Variants in NLGN1 observed in about 807,000 individuals in gnomAD.
NLGN1 encodes neuroligin-1.
A neutral mutation model predicts 65.5 loss-of-function variants in NLGN1; 12 were observed. The observed-to-expected ratio is 0.18, with a 90% CI of 0.12 to 0.30. The LOEUF (loss-of-function observed/expected upper bound fraction) is 0.30. Ranked by LOEUF, NLGN1 falls within the 10% of genes least tolerant of loss-of-function variation. The probability of loss-of-function intolerance (pLI) is 1.00; values close to 1 mark genes in which losing one functional copy is unlikely to be tolerated. For missense variants in NLGN1, 750 were observed against 1,007.1 expected (o/e 0.74, Z 3.46); for synonymous variants, 350 against 359.5 (o/e 0.97, Z 0.30).
chr3:174,021,657 G>A (rs764829495), intron 4 of NLGN1, among the ~76,000 whole-genome samples: 2 of 152,144 alleles, frequency 1.3e-5, no homozygotes, highest in Admixed American at 6.6e-5. Context: ...TGCCAGTCAC[G>A]TGGTTCTAGC....
In NLGN1 at chr3:173,597,980, A is replaced by G. The variant is rs562237980; in HGVS notation, c.-320-6299A>G. On this transcript the variant is annotated intron_variant, in intron 2 of 6. Coordinates refer to ENST00000457714, the Ensembl canonical transcript of NLGN1. ...TCTGATTAGATGGCCATTATTTTTA[A>G]TCTTGTGATATAGCTGAAGAAGAGC... Among the ~76,000 whole-genome samples the G allele has an allele frequency of 9.5e-4, 145 of 152,188 alleles. 2 individuals carry two copies. The highest frequency in any genetic ancestry group is 3.3e-3 in the African/African-American group (137 of 41,562).
At chr3:173,784,945 C>T (rs541110592) in intron 3 of NLGN1, among the ~76,000 whole-genome samples, 65 of 152,272 alleles carry the variant, frequency 4.3e-4, no homozygotes, top group African/African-American at 1.5e-3. Context: ...TGAATCTCCA[C>T]ATGGGAAGAA....
chr3:173,765,418 A>G (rs1778629310), intron 3 of NLGN1, among the ~76,000 whole-genome samples: 1 of 152,144 alleles, frequency 6.6e-6, no homozygotes, highest in Admixed American at 6.6e-5. Context: ...TGGTAAAAGG[A>G]TATGCAAAAT....
intron 4 of NLGN1, among the ~76,000 whole-genome samples, chr3:174,239,609 T>C (rs1183659136): frequency 6.6e-6 from 1 of 152,208 alleles, no homozygotes; most frequent in Non-Finnish European, 1.5e-5. Flanking sequence ...TGTATTAATT[T>C]TTTAAATCCT....
At chr3:174,166,506 G>A (rs1325270494) in intron 4 of NLGN1, among the ~76,000 whole-genome samples, 1 of 152,008 alleles carries the variant, frequency 6.6e-6, no homozygotes, top group African/African-American at 2.4e-5. Flanking sequence ...GATCTTCCGA[G>A]TATTGATTTC....
chr3:173,855,925 G>T (rs553645093), intron 4 of NLGN1, among the ~76,000 whole-genome samples: 69 of 152,154 alleles, frequency 4.5e-4, no homozygotes, highest in Middle Eastern at 3.4e-3. Context: ...CTTGGTTTCA[G>T]GTTTACCCAT....
chr3:173,868,165 A>G (rs926536252), intron 4 of NLGN1, among the ~76,000 whole-genome samples: 2 of 152,264 alleles, frequency 1.3e-5, no homozygotes, highest in East Asian at 3.9e-4. Context: ...TCCAGCATTT[A>G]CAGAATCCTA....
At chr3:174,197,871 G>A (rs1178809616) in intron 4 of NLGN1, among the ~76,000 whole-genome samples, 1 of 151,150 alleles carries the variant, frequency 6.6e-6, no homozygotes, top group Non-Finnish European at 1.5e-5. Flanking sequence ...ATTTACTGTA[G>A]AACACTTGGA....
chr3:174,214,235 G>A (rs1737198107), intron 4 of NLGN1, among the ~76,000 whole-genome samples: 1 of 152,036 alleles, frequency 6.6e-6, no homozygotes, highest in South Asian at 2.1e-4. Flanking sequence ...TATGTTCTCA[G>A]AATTTAAATT....
chr3:173,911,583 G>A (rs2152224837), intron 4 of NLGN1, among the ~76,000 whole-genome samples: 1 of 152,336 alleles, frequency 6.6e-6, no homozygotes, highest in South Asian at 2.1e-4. Flanking sequence ...CAAACCAAAT[G>A]CTTAGTGGAG....
chr3:173,860,793 G>T (rs910436495), intron 4 of NLGN1, among the ~76,000 whole-genome samples: 6 of 152,236 alleles, frequency 3.9e-5, no homozygotes, highest in Admixed American at 3.9e-4. Context: ...ACCTTCCACA[G>T]TGTCTGCCTC....
At chr3:174,240,320 T>TTAAGA (rs1742553358) in intron 4 of NLGN1, among the ~76,000 whole-genome samples, 1 of 151,890 alleles carries the variant, frequency 6.6e-6, no homozygotes, top group South Asian at 2.1e-4. Context: ...TAGATCTAAC[T>TTAAGA]TTAGAATTTT....
At chr3:173,619,941 G>A (rs73880525) in intron 3 of NLGN1, among the ~76,000 whole-genome samples, 2,855 of 152,254 alleles carry the variant, frequency 0.019, 96 homozygotes, top group African/African-American at 0.065. Flanking sequence ...GATGTGCAGG[G>A]ATGAGTGGGA....
At chr3:173,477,136 T>C (rs953407504) in intron 2 of NLGN1, among the ~76,000 whole-genome samples, 1 of 152,148 alleles carries the variant, frequency 6.6e-6, no homozygotes, top group African/African-American at 2.4e-5. Context: ...AGAAATGGGA[T>C]GTCATTTCTA....
intron 4 of NLGN1, among the ~76,000 whole-genome samples, chr3:174,209,665 T>C (rs186863196): frequency 7.6e-6 from 1 of 131,516 alleles, no homozygotes; most frequent in East Asian, 2.5e-4. Flanking sequence ...AGAGTCTTAC[T>C]CTTGTCACCC....
chr3:173,843,261 C>G (rs900760772), intron 4 of NLGN1, among the ~76,000 whole-genome samples: 1 of 152,220 alleles, frequency 6.6e-6, no homozygotes, highest in African/African-American at 2.4e-5. Context: ...AGGCCTACGG[C>G]CCTGTGATGG....
At chr3:174,003,241 G>T (rs1286932198) in intron 4 of NLGN1, among the ~76,000 whole-genome samples, 1 of 151,994 alleles carries the variant, frequency 6.6e-6, no homozygotes, top group Non-Finnish European at 1.5e-5. Flanking sequence ...TATTGCAAAG[G>T]TTATTTTCTT....
intron 3 of NLGN1, among the ~76,000 whole-genome samples, chr3:173,772,899 C>T (rs950605250): frequency 6.6e-6 from 1 of 152,144 alleles, no homozygotes; most frequent in Non-Finnish European, 1.5e-5. Context: ...ATAATTCCAC[C>T]TCGCTTTTGC....
intron 4 of NLGN1, among the ~76,000 whole-genome samples, chr3:173,955,120 C>A (rs1378272385): frequency 2.6e-5 from 4 of 152,034 alleles, no homozygotes; most frequent in Non-Finnish European, 5.9e-5. Flanking sequence ...TATTCATGAA[C>A]ACAGAAATTT....
Sources: gnomAD v4.1 joint callset for allele counts (sites outside exome capture counted in the v4.1 genomes callset) on GRCh38, gnomAD v4.1.1 for gene constraint, MANE v1.5 for transcripts, NCBI Gene and HGNC (gene_info 2026-07-23, HGNC 2026-07-21) for gene names.